The following CTNNA2 variants were observed in gnomAD, a reference collection of about 807,000 sequenced individuals.
The protein encoded by CTNNA2 is catenin alpha 2.
A neutral mutation model predicts 101.0 loss-of-function variants in CTNNA2; 42 were observed. The ratio of observed to expected loss-of-function variants is 0.42; its 90% CI spans 0.32 to 0.54. The LOEUF is 0.54. Ranked by LOEUF, CTNNA2 falls within the 20% of genes least tolerant of loss-of-function variation. CTNNA2 has a pLI of 0.14. For missense variants in CTNNA2, 871 were observed against 1,223.1 expected (o/e 0.71, Z 4.29); for synonymous variants, 450 against 456.4 (o/e 0.99, Z 0.18).
intron 4 of CTNNA2, among the ~76,000 whole-genome samples, chr2:79,394,479 A>G (rs1441529258): frequency 6.6e-6 from 1 of 152,226 alleles, no homozygotes; most frequent in Non-Finnish European, 1.5e-5. Context: ...TCAAAAATAC[A>G]TTACAAAAGA....
At chr2:80,459,678 A>G (rs1170514329) in intron 9 of CTNNA2, among the ~76,000 whole-genome samples, 1 of 152,080 alleles carries the variant, frequency 6.6e-6, no homozygotes, top group Non-Finnish European at 1.5e-5. Flanking sequence ...CCCCACACAG[A>G]CATACACTTG....
intron 3 of CTNNA2, among the ~76,000 whole-genome samples, chr2:79,755,153 C>T (rs993534014): frequency 1.7e-4 from 26 of 151,928 alleles, no homozygotes; most frequent in Non-Finnish European, 4.4e-5. Context: ...AGCAAGACCC[C>T]CATCTCTACA....
At chr2:80,481,663 G>C (rs1415663696) in intron 9 of CTNNA2, among the ~76,000 whole-genome samples, 1 of 152,054 alleles carries the variant, frequency 6.6e-6, no homozygotes, top group Non-Finnish European at 1.5e-5. Context: ...CTGCTTCTTA[G>C]TACAGGGAAC....
intron 2 of CTNNA2, among the ~76,000 whole-genome samples, chr2:79,214,805 A>G (rs1210293292): frequency 6.6e-6 from 1 of 152,012 alleles, no homozygotes; most frequent in Non-Finnish European, 1.5e-5. Flanking sequence ...GGAACTGGGC[A>G]GGTGGGGATA....
chr2:80,282,729 T>C (rs1488779348), intron 7 of CTNNA2, among the ~76,000 whole-genome samples: 2 of 152,182 alleles, frequency 1.3e-5, no homozygotes, highest in Non-Finnish European at 2.9e-5. Flanking sequence ...AATGTAGTCA[T>C]GTGGCACAAT....
intron 7 of CTNNA2, among the ~76,000 whole-genome samples, chr2:79,918,570 A>G (rs912789473): frequency 6.6e-6 from 1 of 152,224 alleles, no homozygotes; most frequent in Admixed American, 6.5e-5. Context: ...GCTATAAAAC[A>G]AAAACACCTT....
chr2:80,253,810 A>G (rs1313331114), intron 7 of CTNNA2, among the ~76,000 whole-genome samples: 1 of 152,180 alleles, frequency 6.6e-6, no homozygotes, highest in Non-Finnish European at 1.5e-5. Flanking sequence ...TCTGCCACAA[A>G]CAACAAGGCC....
intron 9 of CTNNA2, among the ~76,000 whole-genome samples, chr2:80,504,490 T>C (rs1037478398): frequency 5.9e-5 from 9 of 152,256 alleles, no homozygotes; most frequent in African/African-American, 1.9e-4. Context: ...CTTTCCATAC[T>C]CTAGGGGAGG....
At chr2:79,322,168 C>T (rs183882414) in intron 3 of CTNNA2, among the ~76,000 whole-genome samples, 38 of 152,308 alleles carry the variant, frequency 2.5e-4, no homozygotes, top group East Asian at 9.7e-4. Flanking sequence ...ATTACCCTCC[C>T]GAAGGAGATG....
intron 7 of CTNNA2, among the ~76,000 whole-genome samples, chr2:79,982,122 G>A (rs1189973207): frequency 2.8e-5 from 4 of 141,122 alleles, no homozygotes; most frequent in Non-Finnish European, 6.1e-5. Flanking sequence ...CACTGCAGCC[G>A]CAAACTCACT....
At chr2:79,829,414 C>CACACACACACAG (rs1193420009) in intron 3 of CTNNA2, among the ~76,000 whole-genome samples, 13 of 120,852 alleles carry the variant, frequency 1.1e-4, no homozygotes, top group East Asian at 9.8e-4. Context: ...CACACACACA[C>CACACACACACAG]AGACACAAAG....
At chr2:79,216,628 A>G (rs1445196998) in intron 2 of CTNNA2, among the ~76,000 whole-genome samples, 3 of 149,692 alleles carry the variant, frequency 2.0e-5, no homozygotes, top group African/African-American at 7.4e-5. Context: ...GGGTAGAGAC[A>G]TGCAGAGAAG....
intron 7 of CTNNA2, among the ~76,000 whole-genome samples, chr2:80,345,258 C>A (rs566041047): frequency 3.9e-5 from 6 of 152,196 alleles, no homozygotes; most frequent in Non-Finnish European, 8.8e-5. Flanking sequence ...CTTCATTCAG[C>A]TCCTGGCACA....
At chr2:80,137,626 G>T (rs977281265) in intron 7 of CTNNA2, among the ~76,000 whole-genome samples, 2 of 152,098 alleles carry the variant, frequency 1.3e-5, no homozygotes, top group Non-Finnish European at 2.9e-5. Context: ...GTGCTCTCAG[G>T]CAATGGGATA....
chr2:79,185,466 A>G (rs1275925924), intron 1 of CTNNA2: 1 of 152,184 alleles, frequency 6.6e-6, no homozygotes, highest in Non-Finnish European at 1.5e-5. Flanking sequence ...TACTCAATTA[A>G]TTTCACCTCT....
intron 1 of CTNNA2, among the ~76,000 whole-genome samples, chr2:79,604,728 C>A (rs1208359962): frequency 6.6e-6 from 1 of 152,136 alleles, no homozygotes; most frequent in African/African-American, 2.4e-5. Flanking sequence ...TTTACACCAG[C>A]AAGACTGGAA....
intron 4 of CTNNA2, among the ~76,000 whole-genome samples, chr2:79,502,596 G>A (rs377103039): frequency 1.4e-4 from 22 of 152,228 alleles, no homozygotes; most frequent in East Asian, 9.6e-4. Context: ...ACTGATAATC[G>A]TTGAAGCTGA....
chr2:80,103,061 T>C (rs1410944797), intron 7 of CTNNA2, among the ~76,000 whole-genome samples: 1 of 152,202 alleles, frequency 6.6e-6, no homozygotes, highest in Non-Finnish European at 1.5e-5. Flanking sequence ...ATCTCTGCAC[T>C]GTCCCACCCT....
At chr2:80,363,587 G>C (rs1674629578) in intron 7 of CTNNA2, among the ~76,000 whole-genome samples, 1 of 152,064 alleles carries the variant, frequency 6.6e-6, no homozygotes, top group Non-Finnish European at 1.5e-5. Context: ...TCGAATCAAA[G>C]CTATCCTCCT....
Sources: gnomAD v4.1 joint callset for allele counts (sites outside exome capture counted in the v4.1 genomes callset) on GRCh38, gnomAD v4.1.1 for gene constraint, MANE v1.5 for transcripts, NCBI Gene and HGNC (gene_info 2026-07-23, HGNC 2026-07-21) for gene names.